Variants in CBLB observed in about 807,000 individuals in gnomAD.
CBLB encodes Cbl proto-oncogene B, also known as E3 ubiquitin-protein ligase CBL-B.
A neutral mutation model predicts 104.9 loss-of-function variants in CBLB; 31 were observed. That is an observed-to-expected ratio of 0.30 (90% CI 0.22 to 0.40). The LOEUF (loss-of-function observed/expected upper bound fraction) is 0.40, where lower values mean the gene tolerates loss of function less well. Ranked by LOEUF, CBLB falls within the 10% of genes least tolerant of loss-of-function variation. The pLI is 1.00. For synonymous variants in CBLB, 440 were observed against 422.6 expected (o/e 1.04, Z -0.51); for missense variants, 1,062 against 1,214.6 (o/e 0.87, Z 1.87).
At chr3:105,817,459 T>C (rs1324416279) in intron 3 of CBLB, among the ~76,000 whole-genome samples, 1 of 152,100 alleles carries the variant, frequency 6.6e-6, no homozygotes, top group African/African-American at 2.4e-5. Flanking sequence ...AGAAGCAGCC[T>C]TGGAGAATAC....
intron 3 of CBLB, among the ~76,000 whole-genome samples, chr3:105,798,980 A>G (rs1372620422): frequency 1.3e-5 from 2 of 152,172 alleles, no homozygotes; most frequent in East Asian, 1.9e-4. Context: ...TGTTTCTTTT[A>G]AAAGAAATAT....
At chr3:105,864,474 A>G (rs936705903) in intron 2 of CBLB, among the ~76,000 whole-genome samples, 2 of 152,218 alleles carry the variant, frequency 1.3e-5, no homozygotes, top group Non-Finnish European at 2.9e-5. Context: ...CACTGTATCA[A>G]ATAAGCATCC....
In CBLB at chr3:105,734,135, T is replaced by C. The variant is rs867685058; in HGVS notation, c.1077A>G (p.Gln359=). ...AGCCCATTTCACAATATAATTCATATTGTTCCTGGAATTTGGGGAGGAGGG... is the reference window on the plus strand; with the variant it reads ...AGCCCATTTCACAATATAATTCATACTGTTCCTGGAATTTGGGGAGGAGGG... ...PHDHIKVTQE[Q]YELYCEMGST... is the part of the protein sequence containing the mutation. Residue 359 remains glutamine (Q), a synonymous_variant, in exon 9 of 19, where the codon CAA becomes CAG. Coordinates refer to ENST00000394030, the MANE Select transcript of CBLB (RefSeq NM_170662.5). 1.2e-6 allele frequency: 2 copies of C among 1,613,806 alleles called. No individual in the cohort carries two copies. Among genetic ancestry groups the C allele is most frequent in the Middle Eastern group, 3.3e-4 (2 of 6,062 alleles).
intron 3 of CBLB, among the ~76,000 whole-genome samples, chr3:105,839,270 G>A (rs2089165864): frequency 1.3e-5 from 2 of 152,166 alleles, no homozygotes; most frequent in Admixed American, 1.3e-4. Flanking sequence ...TTAAATGCTT[G>A]TCAGACATTA....
chr3:105,806,131 A>G (rs2083465126), intron 3 of CBLB, among the ~76,000 whole-genome samples: 1 of 152,168 alleles, frequency 6.6e-6, no homozygotes, highest in Non-Finnish European at 1.5e-5. Context: ...GGGATTTTTA[A>G]TTCTCACTTT....
At chr3:105,686,482 G>A (rs1012085552) in intron 13 of CBLB, among the ~76,000 whole-genome samples, 8 of 151,330 alleles carry the variant, frequency 5.3e-5, no homozygotes, top group Non-Finnish European at 1.2e-4. Context: ...CTAAGTGACT[G>A]CAATTTTGCA....
intron 3 of CBLB, among the ~76,000 whole-genome samples, chr3:105,825,058 G>T (rs1050138484): frequency 1.1e-4 from 17 of 152,084 alleles, no homozygotes; most frequent in African/African-American, 4.1e-4. Flanking sequence ...TAGCATGTTT[G>T]TATATGCTGA....
intron 9 of CBLB, 124 bp downstream of exon 9, chr3:105,733,885 A>G (rs978281758): frequency 1.3e-5 from 11 of 826,990 alleles, no homozygotes; most frequent in Non-Finnish European, 2.2e-5. Context: ...AACATATAAA[A>G]TCTTTACACA....
chr3:105,734,842 T>C (rs1289281875), intron 8 of CBLB, among the ~76,000 whole-genome samples: 2 of 152,210 alleles, frequency 1.3e-5, no homozygotes, highest in Non-Finnish European at 2.9e-5. Context: ...CAAAAACCAT[T>C]TTATTAAAAC....
At chr3:105,812,194 C>A (rs1368381742) in intron 3 of CBLB, among the ~76,000 whole-genome samples, 1 of 152,122 alleles carries the variant, frequency 6.6e-6, no homozygotes, top group Admixed American at 6.5e-5. Context: ...ATATGACTGG[C>A]TAGCTATAAA....
At chr3:105,792,186 C>A (rs2081737814) in intron 3 of CBLB, among the ~76,000 whole-genome samples, 1 of 152,174 alleles carries the variant, frequency 6.6e-6, no homozygotes, top group African/African-American at 2.4e-5. Context: ...TCTGAAAGCA[C>A]TGGTTTAGCA....
intron 4 of CBLB, among the ~76,000 whole-genome samples, chr3:105,770,300 G>A (rs916412312): frequency 3.3e-5 from 5 of 152,248 alleles, no homozygotes; most frequent in Non-Finnish European, 5.9e-5. Context: ...CTCAGAGTGC[G>A]AGAGGGGAAG....
chr3:105,702,495 A>AAC (rs2069361017), intron 11 of CBLB, 36 bp from the exon 12 acceptor site: 12 of 1,475,862 alleles, frequency 8.1e-6, no homozygotes, highest in South Asian at 1.3e-5. Context: ...AAAAAAAAAA[A>AAC]AAAACTAAAG....
intron 13 of CBLB, among the ~76,000 whole-genome samples, chr3:105,686,130 A>G (rs1379405647): frequency 6.6e-6 from 1 of 152,210 alleles, no homozygotes; most frequent in Admixed American, 6.5e-5. Context: ...AATAAAAGAG[A>G]ATTAAAATGA....
chr3:105,678,684 G>A (rs983665064), intron 16 of CBLB, 113 bp from the exon 17 acceptor site: 33 of 1,226,840 alleles, frequency 2.7e-5, no homozygotes, highest in African/African-American at 4.5e-5. Context: ...AATTTCACTC[G>A]CAGGGTTTAT....
At chr3:105,745,213 T>C (rs1336789035) in intron 6 of CBLB, among the ~76,000 whole-genome samples, 7 of 152,194 alleles carry the variant, frequency 4.6e-5, no homozygotes, top group East Asian at 1.9e-4. Flanking sequence ...GCCTAATGCA[T>C]TTTTAGATGA....
intron 3 of CBLB, among the ~76,000 whole-genome samples, chr3:105,851,078 C>G (rs1158464106): frequency 6.6e-6 from 1 of 152,078 alleles, no homozygotes; most frequent in African/African-American, 2.4e-5. Context: ...TACCTACACA[C>G]AAATATTTAT....
chr3:105,670,383 A>G (rs757317111), intron 17 of CBLB, 31 bp from the exon 18 acceptor site: 20 of 1,589,780 alleles, frequency 1.3e-5, no homozygotes, highest in Non-Finnish European at 1.5e-5. Context: ...TCAAATTAAA[A>G]GGATGATCTC....
Position 105,853,550 on chromosome 3 carries a change from T to C in CBLB, c.283A>G (p.Asn95Asp). The stretch of plus-strand genomic sequence containing the variant: ...TCACTGAGTTGGGCAAGTTTCTGGT[T>C]GTCATCATATTTACTCAATATAAGT... ...LRLILSKYDD[N>D]QKLAQLSENE... Residue 95 changes from asparagine to aspartate, a missense_variant, in exon 3 of 19, where the codon AAC (asparagine) becomes GAC (aspartate). Asn to Asp is a conservative substitution (Grantham distance 23). Transcript: ENST00000394030. 1 of 1,613,684 alleles carries C rather than the reference T, an allele frequency of 6.2e-7. No homozygotes were observed. Among genetic ancestry groups the C allele is most frequent in the Non-Finnish European group, 8.5e-7 (1 of 1,179,734 alleles).
Sources: allele counts gnomAD v4.1 joint callset (sites outside exome capture counted in the v4.1 genomes callset), GRCh38; gene constraint gnomAD v4.1.1; transcripts MANE v1.5; gene names NCBI Gene and HGNC (gene_info 2026-07-23, HGNC 2026-07-21).